Variants in AGO3 observed in about 807,000 individuals in gnomAD.
The protein encoded by AGO3 is protein argonaute-3.
A neutral mutation model predicts 105.5 loss-of-function variants in AGO3; 16 were observed. That is an observed-to-expected ratio of 0.15 (90% CI 0.10 to 0.23). The LOEUF (loss-of-function observed/expected upper bound fraction) is 0.23. AGO3 is among the 10% of genes least tolerant of loss of function. The probability of loss-of-function intolerance (pLI) is 1.00; values close to 1 mark genes in which losing one functional copy is unlikely to be tolerated. For synonymous variants in AGO3, 340 were observed against 367.3 expected (o/e 0.93, Z 0.85); for missense variants, 534 against 1,088.0 (o/e 0.49, Z 7.16).
chr1:36,009,382 A>C (rs1361810400), intron 8 of AGO3, 93 bp from the exon 9 acceptor site: 7 of 1,394,542 alleles, frequency 5.0e-6, no homozygotes, highest in Admixed American at 4.8e-5. Flanking sequence ...AATGAAGTTG[A>C]TTTTAAATTT....
chr1:35,940,216 G>T (rs760369831), intron 1 of AGO3, among the ~76,000 whole-genome samples: 1 of 151,990 alleles, frequency 6.6e-6, no homozygotes, highest in Non-Finnish European at 1.5e-5. Context: ...ACAGGCATGC[G>T]CCATGACGCC....
At chr1:35,955,535 A>T (rs903815806) in intron 2 of AGO3, among the ~76,000 whole-genome samples, 1 of 152,116 alleles carries the variant, frequency 6.6e-6, no homozygotes, top group African/African-American at 2.4e-5. Context: ...CACACACTTG[A>T]ACTACAGAAA....
intron 1 of AGO3, among the ~76,000 whole-genome samples, chr1:35,941,993 T>A (rs1646265620): frequency 6.6e-6 from 1 of 152,234 alleles, no homozygotes; most frequent in Admixed American, 6.5e-5. Flanking sequence ...TTTCATTTTT[T>A]AGATCAGGAA....
rs149402849 is a variant in AGO3 at position 36,061,121 on chromosome 1, G to A, written c.*5376G>A. On this transcript the variant is annotated 3_prime_UTR_variant, in exon 19 of 19. Coordinates refer to ENST00000373191, the MANE Select transcript of AGO3 (RefSeq NM_024852.4). ...CTAAGAACATTCTTGATCCGTTGCA[G>A]TGTTAGAAATGACACTGTGATTAGT... The A allele has an allele frequency of 6.6e-6, 1 of 152,282 alleles. No homozygotes were observed. Among genetic ancestry groups the A allele is most frequent in the East Asian group, 1.9e-4 (1 of 5,192 alleles). The allele number at this position is 152,282 out of a possible 1,614,324, so 9.4% of individuals were successfully genotyped here. A position where few individuals can be genotyped will look rare whatever the true frequency, so the allele number is the denominator to read the frequency against.
At chr1:35,960,659 A>G (rs1468797280) in intron 2 of AGO3, among the ~76,000 whole-genome samples, 2 of 152,076 alleles carry the variant, frequency 1.3e-5, no homozygotes, top group African/African-American at 4.8e-5. Flanking sequence ...AAAATTCTAA[A>G]TATATGAATT....
intron 17 of AGO3, among the ~76,000 whole-genome samples, chr1:36,053,058 G>T (rs772876910): frequency 6.6e-6 from 1 of 152,074 alleles, no homozygotes; most frequent in Non-Finnish European, 1.5e-5. Flanking sequence ...GCATCCAGAT[G>T]ACTGTATTTT....
intron 5 of AGO3, among the ~76,000 whole-genome samples, chr1:35,994,485 A>C (rs1197304049): frequency 6.6e-6 from 1 of 152,240 alleles, no homozygotes; most frequent in East Asian, 1.9e-4. Context: ...AGAACAAGGC[A>C]AGGATGCTTG....
At chr1:35,975,424 C>T (rs1456817402) in intron 5 of AGO3, among the ~76,000 whole-genome samples, 5 of 151,832 alleles carry the variant, frequency 3.3e-5, no homozygotes, top group Non-Finnish European at 7.4e-5. Context: ...GATTTTTCGT[C>T]TTCTTATTTA....
rs1163778489 is a variant in AGO3, at chr1:36,066,457, G to A, written c.*10712G>A. ...CGCCTGTAATCCCAGCTACTCGGGA[G>A]GCTGAGGCGAGAGAATCGTTTGAAC... On this transcript the variant is annotated 3_prime_UTR_variant, in exon 19 of 19. Coordinates refer to ENST00000373191, the MANE Select transcript of AGO3 (RefSeq NM_024852.4). 1 of 152,188 alleles carries A rather than the reference G, an allele frequency of 6.6e-6. No individual in the cohort carries two copies. The highest frequency in any genetic ancestry group is 2.4e-5 in the African/African-American group (1 of 41,418). The allele number at this position is 152,188 out of a possible 1,614,324, so 9.4% of individuals were successfully genotyped here.
chr1:36,009,611 A>C lies in AGO3; in HGVS notation c.1149+17A>C. 1 of 1,601,282 alleles carries C rather than the reference A, an allele frequency of 6.2e-7. No individual in the cohort carries two copies. Among genetic ancestry groups the C allele is most frequent in the Non-Finnish European group, 8.5e-7 (1 of 1,176,038 alleles). On this transcript the variant is annotated intron_variant, in intron 9 of 18. Coordinates refer to ENST00000373191, the MANE Select transcript of AGO3 (RefSeq NM_024852.4). Reference sequence around the variant, plus strand: ...AGCAGATTGGTTAGTACTTAACCTTAGAAATGAGAATTTAAAACATATTAG... The same window carrying C: ...AGCAGATTGGTTAGTACTTAACCTTCGAAATGAGAATTTAAAACATATTAG...
intron 5 of AGO3, among the ~76,000 whole-genome samples, chr1:35,976,787 C>T (rs2148779219): frequency 6.6e-6 from 1 of 152,256 alleles, no homozygotes; most frequent in Non-Finnish European, 1.5e-5. Flanking sequence ...CTAATACTTT[C>T]CTTTTATAAA....
rs772244913 is a variant in AGO3, at chr1:35,967,076, G to A, written c.312+1G>A. 6.2e-7 allele frequency: 1 copy of A among 1,608,542 alleles called. No individual in the cohort carries two copies. Among genetic ancestry groups the A allele is most frequent in the South Asian group, 1.1e-5 (1 of 89,816 alleles). Reference sequence around the variant, plus strand: ...TCCACTTCCTGTGGCAACTACAGGGGTAAGATATGCATTCCTGTATTGGAA... The same window carrying A: ...TCCACTTCCTGTGGCAACTACAGGGATAAGATATGCATTCCTGTATTGGAA... On this transcript the variant is annotated splice_donor_variant, in intron 3 of 18. Transcript: ENST00000373191. LOFTEE classifies it high-confidence loss of function.
chr1:36,059,007 G>A lies in AGO3; in HGVS notation c.*3262G>A, dbSNP rs1213854939. On this transcript the variant is annotated 3_prime_UTR_variant, in exon 19 of 19. Transcript: ENST00000373191. The stretch of plus-strand genomic sequence containing the variant: ...ATGTGGGAAACTTTAGGGAATGACT[G>A]TAGATACCCTTTCTCTATGTACTCT... 1 of 152,138 alleles carries A rather than the reference G, an allele frequency of 6.6e-6. No homozygotes were observed. The highest frequency in any genetic ancestry group is 1.5e-5 in the Non-Finnish European group (1 of 68,026). The allele number at this position is 152,138 out of a possible 1,614,324, so 9.4% of individuals were successfully genotyped here.
intron 3 of AGO3, among the ~76,000 whole-genome samples, chr1:35,971,044 A>T (rs182898918): frequency 0.016 from 2,251 of 145,072 alleles, 35 homozygotes; most frequent in African/African-American, 0.033. Context: ...ATATATATAT[A>T]TTTTTTATTA....
chr1:35,959,221 C>A (rs1003031655), intron 2 of AGO3, among the ~76,000 whole-genome samples: 5 of 151,982 alleles, frequency 3.3e-5, no homozygotes, highest in South Asian at 2.1e-4. Context: ...AATCTGTGCA[C>A]CAGAGCATGA....
At chr1:35,995,444 T>A (rs1034794373) in intron 5 of AGO3, among the ~76,000 whole-genome samples, 1 of 151,910 alleles carries the variant, frequency 6.6e-6, no homozygotes, top group Non-Finnish European at 1.5e-5. Flanking sequence ...GCTACCAGAA[T>A]AGACCCACTA....
Position 36,008,958 on chromosome 1 carries a change from G to A in AGO3, c.943G>A (p.Glu315Lys). ...VERTVAQYFR[E>K]KYTLQLKYPH... ...GAGAACAGTAGCGCAGTATTTCAGA[G>A]AAAAGTATACTCTTCAGCTGAAGTA... The change falls in exon 8 of 19, where the codon GAA becomes AAA. Residue 315 changes from glutamate (E) to lysine (K), a missense_variant. By Grantham distance (56) the Glu-to-Lys change is moderately conservative. Around this residue, in one of 2 missense-constraint regions of AGO3, gnomAD observed 373 missense variants for 854.0 expected, o/e 0.44. Coordinates refer to ENST00000373191, the MANE Select transcript of AGO3 (RefSeq NM_024852.4). The surrounding 1 kb of genome is among the most constrained non-coding windows in gnomAD (Gnocchi z 5.1). 1.2e-6 allele frequency: 2 copies of A among 1,613,616 alleles called. No homozygotes were observed. Among genetic ancestry groups the A allele is most frequent in the South Asian group, 2.2e-5 (2 of 91,038 alleles).
intron 11 of AGO3, among the ~76,000 whole-genome samples, chr1:36,022,902 C>T (rs1164232615): frequency 1.4e-5 from 2 of 138,250 alleles, no homozygotes; most frequent in African/African-American, 5.8e-5. Context: ...GCCCAGGCAA[C>T]AACAGTGAGA....
chr1:36,046,684 G>T lies in AGO3; in HGVS notation c.2274+3136G>T, dbSNP rs540805596. ...GTCATACCTCTCCAGTGCCTAAATT[G>T]AAGGAGTACATTGCATCTCAATGTA... On this transcript the variant is annotated intron_variant, in intron 17 of 18. Coordinates refer to ENST00000373191, the MANE Select transcript of AGO3 (RefSeq NM_024852.4). Among the ~76,000 whole-genome samples, 120 of 111,540 alleles carry T rather than the reference G, an allele frequency of 1.1e-3. 2 individuals are homozygous for T. Among genetic ancestry groups the T allele is most frequent in the Non-Finnish European group, 1.6e-3 (95 of 59,142 alleles). The allele number at this position is 111,540 out of a possible 152,430, so 73.2% of individuals were successfully genotyped here. A position where few individuals can be genotyped will look rare whatever the true frequency, so the allele number is the denominator to read the frequency against.
Sources: gnomAD v4.1 joint callset for allele counts (sites outside exome capture counted in the v4.1 genomes callset) on GRCh38, gnomAD v4.1.1 for gene constraint, gnomAD v4.1.1 regional missense constraint, Gnocchi (gnomAD v3.1) non-coding constraint, MANE v1.5 for transcripts, NCBI Gene and HGNC (gene_info 2026-07-23, HGNC 2026-07-21) for gene names.